RSU1: variants seen among roughly 807,000 people sequenced by gnomAD.
RSU1 encodes the protein Ras suppressor protein 1, also known as rsu-1.
RSU1 carries 26 observed loss-of-function variants against 31.1 expected under a neutral mutation model. The ratio of observed to expected loss-of-function variants is 0.84; its 90% CI spans 0.61 to 1.16. The LOEUF is 1.16. Among genes scored for constraint, RSU1 ranks in the 50% most tolerant of loss-of-function variants. The pLI, the probability that RSU1 is intolerant of heterozygous loss-of-function variation, is 0.00. For synonymous variants in RSU1, 164 were observed against 136.3 expected (o/e 1.20, Z -1.41); for missense variants, 320 against 339.1 (o/e 0.94, Z 0.44).
At chr10:16,762,024 T>A (rs1317698739) in intron 4 of RSU1, among the ~76,000 whole-genome samples, 1 of 152,062 alleles carries the variant, frequency 6.6e-6, no homozygotes, top group East Asian at 1.9e-4. Context: ...GGTCTTGCTG[T>A]TCCCCCTGTT....
intron 7 of RSU1, among the ~76,000 whole-genome samples, chr10:16,736,280 A>G (rs1256122683): frequency 1.3e-5 from 2 of 152,184 alleles, no homozygotes; most frequent in Non-Finnish European, 2.9e-5. Flanking sequence ...AGATATAACT[A>G]CCAGGGAAAG....
intron 2 of RSU1, among the ~76,000 whole-genome samples, chr10:16,807,425 A>T (rs1369857466): frequency 6.6e-6 from 1 of 152,196 alleles, no homozygotes; most frequent in African/African-American, 2.4e-5. Flanking sequence ...TCCCCAACAC[A>T]ATCTTTTCCA....
chr10:16,740,777 A>T (rs370947369), intron 7 of RSU1, among the ~76,000 whole-genome samples: 1 of 152,334 alleles, frequency 6.6e-6, no homozygotes. Flanking sequence ...AAAACTCTGA[A>T]ATCTACAAAA....
chr10:16,735,975 T>A (rs924087741), intron 7 of RSU1, among the ~76,000 whole-genome samples: 14 of 152,266 alleles, frequency 9.2e-5, no homozygotes, highest in Admixed American at 5.2e-4. Context: ...CCACATTCAC[T>A]CTGGTTTTCT....
intron 8 of RSU1, among the ~76,000 whole-genome samples, chr10:16,594,481 T>G (rs1444665616): frequency 6.6e-6 from 1 of 151,502 alleles, no homozygotes; most frequent in Admixed American, 6.6e-5. Flanking sequence ...TGTATGATCA[T>G]AGCTCACTGC....
chr10:16,610,244 G>A (rs571039957), intron 8 of RSU1, among the ~76,000 whole-genome samples: 1 of 152,274 alleles, frequency 6.6e-6, no homozygotes, highest in African/African-American at 2.4e-5. Context: ...CAGCTCAGGA[G>A]CCACCTATAG....
intron 4 of RSU1, among the ~76,000 whole-genome samples, chr10:16,763,598 A>G (rs12763608): frequency 0.32 from 48,030 of 151,900 alleles, 8,870 homozygotes; most frequent in African/African-American, 0.52. Context: ...TCCACATGAG[A>G]TTTGCTGGGG....
chr10:16,626,089 G>T (rs1834155220), intron 8 of RSU1, among the ~76,000 whole-genome samples: 1 of 151,648 alleles, frequency 6.6e-6, no homozygotes, highest in East Asian at 1.9e-4. Context: ...CCGTTGCCCA[G>T]GCTGGAGTGC....
chr10:16,656,225 C>CT (rs563906358), intron 8 of RSU1, among the ~76,000 whole-genome samples: 5 of 151,286 alleles, frequency 3.3e-5, no homozygotes, highest in South Asian at 2.1e-4. Context: ...TCCTTCAAAG[C>CT]TTTTTTTTTG....
rs3837313 is a variant in RSU1, at chr10:16,695,167, G to C, written c.599-12C>G. On this transcript the variant is annotated splice_polypyrimidine_tract_variant and intron_variant, in intron 7 of 8. Transcript: ENST00000345264. ...TAAATCCAAGTTTCCTGGGGGGGGGGAAAAAAAAAGTGAAGGTCACTTCAT... is the reference window on the plus strand; with the variant it reads ...TAAATCCAAGTTTCCTGGGGGGGGGCAAAAAAAAAGTGAAGGTCACTTCAT... The C allele has an allele frequency of 1.5e-4, 195 of 1,317,476 alleles. No individual in the cohort carries two copies. Among genetic ancestry groups the C allele is most frequent in the Middle Eastern group, 2.0e-4 (1 of 4,912 alleles). 81.6% of individuals were successfully genotyped at this position (1,317,476 alleles called of 1,614,324 possible). A position where few individuals can be genotyped will look rare whatever the true frequency, so the allele number is the denominator to read the frequency against.
intron 2 of RSU1, among the ~76,000 whole-genome samples, chr10:16,812,677 C>T (rs1196103485): frequency 1.3e-5 from 2 of 151,622 alleles, no homozygotes; most frequent in East Asian, 1.9e-4. Flanking sequence ...AGGTTGTTTT[C>T]GAGATTTATC....
chr10:16,808,430 C>A (rs1411161433), intron 2 of RSU1, among the ~76,000 whole-genome samples: 1 of 149,234 alleles, frequency 6.7e-6, no homozygotes, highest in Non-Finnish European at 1.5e-5. Context: ...GCTGCAGTGA[C>A]CGTGATCATG....
In RSU1 at chr10:16,657,889, C is replaced by T. The variant is rs553804575; in HGVS notation, c.731+37134G>A. ...CTTGTGATCCCAGCTACTCGGGAGG[C>T]TGAGGCACAAGAATTGCTTGAAACT... On this transcript the variant is annotated intron_variant, in intron 8 of 8. Transcript: ENST00000345264. Among the ~76,000 whole-genome samples the T allele has an allele frequency of 3.3e-5, 5 of 152,214 alleles. No individual in the cohort carries two copies. The South Asian group carries it at 6.2e-4, about 19-fold the overall frequency.
At position 16,764,471 on chromosome 10, in the gene RSU1, A is replaced by G. The variant is rs1189730274; in HGVS notation, c.200T>C (p.Val67Ala). The G allele has an allele frequency of 6.2e-7, 1 of 1,613,878 alleles. No individual in the cohort carries two copies. Among genetic ancestry groups the G allele is most frequent in the East Asian group, 2.2e-5 (1 of 44,870 alleles). Residue 67 changes from valine (V) to alanine (A), a missense_variant, in exon 4 of 9, where the codon GTG becomes GCG. Physicochemically the swap from Val to Ala is moderately conservative, Grantham distance 64 (BLOSUM62 0). Coordinates refer to ENST00000345264, the MANE Select transcript of RSU1 (RefSeq NM_012425.4). ...GATTTGGTTATTAAAAAAGTTGAGC[A>G]CCTCCAAATTCTTCAGTTCTGCGAT... The part of the protein sequence containing the change: ...PNIAELKNLE[V>A]LNFFNNQIEE...
At chr10:16,696,729 C>A (rs1344812582) in intron 7 of RSU1, among the ~76,000 whole-genome samples, 1 of 152,150 alleles carries the variant, frequency 6.6e-6, no homozygotes, top group African/African-American at 2.4e-5. Context: ...TTCTCTAAAC[C>A]ATGAGTCAGA....
intron 8 of RSU1, among the ~76,000 whole-genome samples, chr10:16,681,114 C>A (rs1835321571): frequency 6.6e-6 from 1 of 152,174 alleles, no homozygotes; most frequent in Non-Finnish European, 1.5e-5. Flanking sequence ...GCAACTATCA[C>A]CCTGCTGACT....
At chr10:16,658,728 ATAAATAAAT>A (rs899638489) in intron 8 of RSU1, among the ~76,000 whole-genome samples, 2 of 152,186 alleles carry the variant, frequency 1.3e-5, no homozygotes, top group African/African-American at 4.8e-5. Context: ...CATCTCTAAA[ATAAATAAAT>A]AATAAAAATA....
At chr10:16,727,065 A>C (rs1040659737) in intron 7 of RSU1, 3 of 456,656 alleles carry the variant, frequency 6.6e-6, no homozygotes, top group South Asian at 3.1e-5. Flanking sequence ...CAAGGAACTA[A>C]TTAATGTGCA....
intron 8 of RSU1, among the ~76,000 whole-genome samples, chr10:16,618,115 G>A (rs1436718327): frequency 6.6e-6 from 1 of 152,058 alleles, no homozygotes; most frequent in Non-Finnish European, 1.5e-5. Context: ...GAATCTACAA[G>A]GAACTTAAGT....
Sources: allele counts gnomAD v4.1 joint callset (sites outside exome capture counted in the v4.1 genomes callset), GRCh38; gene constraint gnomAD v4.1.1; transcripts MANE v1.5; gene names NCBI Gene and HGNC (gene_info 2026-07-23, HGNC 2026-07-21).